The following MTX3 variants were observed in gnomAD, a reference collection of about 807,000 sequenced individuals.
The protein encoded by MTX3 is metaxin-3.
Under a neutral mutation model 42.5 loss-of-function variants are expected in MTX3, and 27 were observed. That is an observed-to-expected ratio of 0.64 (90% confidence interval 0.47 to 0.88). The LOEUF is 0.88. MTX3 is among the 40% of genes least tolerant of loss of function. The pLI is 0.00. For missense variants in MTX3, 378 were observed against 367.0 expected (o/e 1.03, Z -0.25); for synonymous variants, 144 against 132.9 (o/e 1.08, Z -0.57).
At position 79,982,236 on chromosome 5, in the gene MTX3, A is replaced by T. The variant is rs1270276363; in HGVS notation, c.*1448T>A. The T allele has an allele frequency of 3.2e-6, 1 of 308,754 alleles. No homozygotes were observed. Among genetic ancestry groups the T allele is most frequent in the Non-Finnish European group, 6.4e-6 (1 of 155,878 alleles). The allele number at this position is 308,754 out of a possible 1,614,324, so 19.1% of individuals were successfully genotyped here. On this transcript the variant is annotated 3_prime_UTR_variant, in exon 9 of 9. Transcript: ENST00000512528. ...TTGAAGACTACCTTATTTCTCACTT[A>T]GTTAAAACTTTCAAGAAAAAATATT...
At position 79,990,157 on chromosome 5, in the gene MTX3, C is replaced by T; in HGVS notation, c.228+3G>A. On this transcript the variant is annotated splice_donor_region_variant and intron_variant, in intron 3 of 8. Transcript: ENST00000512528. ...ATCTACTTCTTCAAAGTGAACCACC[C>T]ACCTGTTTTCTTAAAAAGTTTAGTA... is the stretch of plus-strand genomic sequence containing the variant. The T allele has an allele frequency of 6.3e-7, 1 of 1,598,068 alleles. No individual in the cohort carries two copies. Among genetic ancestry groups the T allele is most frequent in the African/African-American group, 1.3e-5 (1 of 74,564 alleles).
rs115745076 is a variant in MTX3, at chr5:79,989,853, G to A, written c.228+307C>T. Among the ~76,000 whole-genome samples, 947 of 152,270 alleles carry A rather than the reference G, an allele frequency of 6.2e-3. 9 individuals carry two copies. The highest frequency in any genetic ancestry group is 0.022 in the African/African-American group (897 of 41,550). ...CCAGCACAAAATGTGTACCAACTAT[G>A]TGACAAAATACACAATCCTATCAAT... On this transcript the variant is annotated intron_variant, in intron 3 of 8. Transcript: ENST00000512528.
chr5:79,988,221 T>A lies in MTX3; in HGVS notation c.581+18A>T, dbSNP rs1194015685. ...TATGTGCACAAAATACCAAAATGAT[T>A]TTTAAGGGAATACTCACGTATCTCC... On this transcript the variant is annotated intron_variant, in intron 6 of 8. Transcript: ENST00000512528. 2.4e-5 allele frequency: 34 copies of A among 1,435,736 alleles called. No homozygotes were observed. The highest frequency in any genetic ancestry group is 3.1e-5 in the Non-Finnish European group (32 of 1,042,156). 88.9% of individuals were successfully genotyped at this position (1,435,736 alleles called of 1,614,324 possible). A position where few individuals can be genotyped will look rare whatever the true frequency, so the allele number is the denominator to read the frequency against.
chr5:79,988,166 G>A (rs577669632), intron 6 of MTX3, 73 bp downstream of exon 6: 6 of 848,876 alleles, frequency 7.1e-6, no homozygotes, highest in East Asian at 5.3e-5. Flanking sequence ...GAGATAAGAG[G>A]ACTTGCTTTA....
chr5:79,988,193 A>C, intron 6 of MTX3, 46 bp downstream of exon 6: 1 of 1,059,562 alleles, frequency 9.4e-7, no homozygotes, highest in Non-Finnish European at 1.4e-6. Context: ...TGCTCACTGA[A>C]TATATGTGCA....
intron 8 of MTX3, among the ~76,000 whole-genome samples, chr5:79,984,658 G>GA (rs1831448911): frequency 1.3e-5 from 2 of 151,278 alleles, no homozygotes; most frequent in African/African-American, 4.9e-5. Context: ...AGTTACAGGG[G>GA]AAAAAATATG....
rs938171703 is a variant in MTX3, at chr5:79,983,657, G to A, written c.*27C>T. On this transcript the variant is annotated 3_prime_UTR_variant, in exon 9 of 9. Transcript: ENST00000512528. ...TAAGAGATTACTGCAACAATCGTTTGACTTTGGCCACAAACCATGACTACT... is the reference window on the plus strand; with the variant it reads ...TAAGAGATTACTGCAACAATCGTTTAACTTTGGCCACAAACCATGACTACT... 1 of 1,511,980 alleles carries A rather than the reference G, an allele frequency of 6.6e-7. No individual in the cohort carries two copies. Among genetic ancestry groups the A allele is most frequent in the Non-Finnish European group, 9.2e-7 (1 of 1,087,056 alleles). 93.7% of individuals were successfully genotyped at this position (1,511,980 alleles called of 1,614,324 possible).
At chr5:79,990,070 GT>G in intron 3 of MTX3, 89 bp downstream of exon 3, 1 of 720,140 alleles carries the variant, frequency 1.4e-6, no homozygotes, top group South Asian at 2.6e-5. Context: ...TGTCTAATGA[GT>G]TGGCAAAAAA....
chr5:79,989,801 T>C (rs1484187433), intron 3 of MTX3, among the ~76,000 whole-genome samples: 1 of 152,242 alleles, frequency 6.6e-6, no homozygotes, highest in Non-Finnish European at 1.5e-5. Context: ...ATATAGTTGC[T>C]AGTTGGTGAG....
rs1036500836 is a variant in MTX3, at chr5:79,989,163, G to A, written c.310C>T (p.Leu104Phe). The A allele has an allele frequency of 1.2e-6, 2 of 1,603,706 alleles. No individual in the cohort carries two copies. Among genetic ancestry groups the A allele is most frequent in the African/African-American group, 1.3e-5 (1 of 74,732 alleles). ...TTAAGAACACTCACCACTGCAGGGA[G>A]AAGCTTCTCTTCGAGGAGAGCAATA... is the stretch of plus-strand genomic sequence containing the variant. ...AYIALLEEKL[L>F]PAVLHTFWVE... is the part of the protein sequence containing the mutation. The change falls in exon 4 of 9, where the codon CTC (leucine) becomes TTC (phenylalanine). Residue 104 changes from leucine (L) to phenylalanine (F), a missense_variant. Leu to Phe is a conservative substitution (Grantham distance 22, BLOSUM62 0). Coordinates refer to ENST00000512528, the MANE Select transcript of MTX3 (RefSeq NM_001363818.2).
chr5:79,989,840 G>A lies in MTX3; in HGVS notation c.228+320C>T, dbSNP rs149481662. On this transcript the variant is annotated intron_variant, in intron 3 of 8. Transcript: ENST00000512528. ...TCAGGTGTCATGCCCAGCACAAAAT[G>A]TGTACCAACTATGTGACAAAATACA... 1.0e-2 allele frequency among the ~76,000 whole-genome samples: 1,522 copies of A among 152,262 alleles called. 34 individuals carry two copies. Among genetic ancestry groups the A allele is most frequent in the African/African-American group, 0.034 (1,420 of 41,536 alleles).
rs1831287076 is a variant in MTX3, at chr5:79,977,855, T to C, written c.*5829A>G. 2 of 152,340 alleles carry C rather than the reference T, an allele frequency of 1.3e-5. No individual in the cohort carries two copies. The highest frequency in any genetic ancestry group is 2.4e-5 in the African/African-American group (1 of 41,582). 9.4% of individuals were successfully genotyped at this position (152,340 alleles called of 1,614,324 possible). ...CATACTAGCTTGTATGTGACTTTAG[T>C]GTCATAAACACCCATTGCCTTTTTG... On this transcript the variant is annotated 3_prime_UTR_variant, in exon 9 of 9. Transcript: ENST00000512528.
intron 1 of MTX3, 143 bp downstream of exon 1, chr5:79,991,015 G>C (rs927295133): frequency 3.5e-5 from 32 of 909,422 alleles, no homozygotes; most frequent in Non-Finnish European, 5.1e-5. Flanking sequence ...GGACTCGTCG[G>C]TGGGAGGGAG....
rs1466827557 is a variant in MTX3, at chr5:79,982,523, TCAA to T, written c.*1158_*1160del. ...GTAGTTTTAGGACAACAGAAGCACC[TCAA>T]CCACTAAAATAAGCAAGTTTCTATT... On this transcript the variant is annotated 3_prime_UTR_variant, in exon 9 of 9. Coordinates refer to ENST00000512528, the MANE Select transcript of MTX3 (RefSeq NM_001363818.2). The T allele has an allele frequency of 2.4e-6, 1 of 408,344 alleles. No individual in the cohort carries two copies. The highest frequency in any genetic ancestry group is 4.9e-6 in the Non-Finnish European group (1 of 202,800). 25.3% of individuals were successfully genotyped at this position (408,344 alleles called of 1,614,324 possible). A position where few individuals can be genotyped will look rare whatever the true frequency, so the allele number is the denominator to read the frequency against.
chr5:79,983,610 T>C lies in MTX3; in HGVS notation c.*74A>G. 9.3e-7 allele frequency: 1 copy of C among 1,073,872 alleles called. No individual in the cohort carries two copies. The highest frequency in any genetic ancestry group is 1.3e-5 in the South Asian group (1 of 79,654). The allele number at this position is 1,073,872 out of a possible 1,614,324, so 66.5% of individuals were successfully genotyped here. A position where few individuals can be genotyped will look rare whatever the true frequency, so the allele number is the denominator to read the frequency against. On this transcript the variant is annotated 3_prime_UTR_variant, in exon 9 of 9. Coordinates refer to ENST00000512528, the MANE Select transcript of MTX3 (RefSeq NM_001363818.2). The stretch of plus-strand genomic sequence containing the variant: ...CTTAATACCTATTATGGTATCTTCT[T>C]TTTGCCTTCACACACTTGGTGTAAG...
Position 79,977,934 on chromosome 5 carries a change from G to T in MTX3, c.*5750C>A, listed in dbSNP as rs939319481. ...TTGGAAAATTGTTCTGGAAATACAA[G>T]TTGGTTCCCTCTGTCTCATGGATGC... is the stretch of plus-strand genomic sequence containing the variant. On this transcript the variant is annotated 3_prime_UTR_variant, in exon 9 of 9. Coordinates refer to ENST00000512528, the MANE Select transcript of MTX3 (RefSeq NM_001363818.2). 6.6e-6 allele frequency: 1 copy of T among 152,192 alleles called. No homozygotes were observed. 9.4% of individuals were successfully genotyped at this position (152,192 alleles called of 1,614,324 possible). A position where few individuals can be genotyped will look rare whatever the true frequency, so the allele number is the denominator to read the frequency against.
chr5:79,991,171 G>C lies in MTX3; in HGVS notation c.68C>G (p.Ser23Cys). 6.5e-7 allele frequency: 1 copy of C among 1,534,550 alleles called. No homozygotes were observed. The highest frequency in any genetic ancestry group is 8.8e-7 in the Non-Finnish European group (1 of 1,137,344). ...AGGCGGCCTCACCATCACCACCAGGGACTCGCTGTGAACCGATGGGAGTCC... is the reference window on the plus strand; with the variant it reads ...AGGCGGCCTCACCATCACCACCAGGCACTCGCTGTGAACCGATGGGAGTCC... ...GWGLPSVHSE[S>C]LVVMAYAKFS... The change falls in exon 1 of 9, where the codon TCC becomes TGC. Residue 23 changes from serine to cysteine, a missense_variant. Transcript: ENST00000512528.
chr5:79,990,163 T>C lies in MTX3; in HGVS notation c.225A>G (p.Lys75=). ...QPAKILNFLR[K]QKYNADYELS... ...TTCTTCAAAGTGAACCACCCACCTGTTTTCTTAAAAAGTTTAGTATTTTTG... is the reference window on the plus strand; with the variant it reads ...TTCTTCAAAGTGAACCACCCACCTGCTTTCTTAAAAAGTTTAGTATTTTTG... The change falls in exon 3 of 9, where the codon AAA becomes AAG. Residue 75 remains lysine, a synonymous_variant. Coordinates refer to ENST00000512528, the MANE Select transcript of MTX3 (RefSeq NM_001363818.2). 1 of 1,605,126 alleles carries C rather than the reference T, an allele frequency of 6.2e-7. No individual in the cohort carries two copies. Among genetic ancestry groups the C allele is most frequent in the Non-Finnish European group, 8.5e-7 (1 of 1,174,702 alleles).
chr5:79,991,049 G>C, intron 1 of MTX3, 109 bp downstream of exon 1: 2 of 1,120,834 alleles, frequency 1.8e-6, no homozygotes, highest in Non-Finnish European at 2.6e-6. Context: ...AGCGTGCAGC[G>C]GCTCGGCCCT....
Sources: allele counts gnomAD v4.1 joint callset (sites outside exome capture counted in the v4.1 genomes callset), GRCh38; gene constraint gnomAD v4.1.1; transcripts MANE v1.5; gene names NCBI Gene and HGNC (gene_info 2026-07-23, HGNC 2026-07-21).